Variants in CNIH3 observed in about 807,000 individuals in gnomAD.
CNIH3 encodes protein cornichon homolog 3.
In CNIH3, 14 loss-of-function variants were observed where a neutral mutation model predicts 24.1. The ratio of observed to expected loss-of-function variants is 0.58; its 90% CI spans 0.38 to 0.91. CNIH3 has a LOEUF of 0.91. CNIH3 is among the 40% of genes least tolerant of loss of function. The pLI is 0.00. For synonymous variants in CNIH3, 68 were observed against 73.8 expected (o/e 0.92, Z 0.40); for missense variants, 178 against 196.8 (o/e 0.90, Z 0.57).
chr1:224,717,989 C>T (rs1229082600), intron 3 of CNIH3, among the ~76,000 whole-genome samples: 1 of 152,116 alleles, frequency 6.6e-6, no homozygotes, highest in Non-Finnish European at 1.5e-5. Flanking sequence ...GACCAAAGGA[C>T]CAATTTGTTT....
chr1:224,736,076 T>C (rs957836229), intron 5 of CNIH3, among the ~76,000 whole-genome samples: 1 of 152,202 alleles, frequency 6.6e-6, no homozygotes, highest in African/African-American at 2.4e-5. Context: ...CAGCTATTAG[T>C]GTCACAGCTG....
chr1:224,481,878 C>T (rs1049829283), intron 1 of CNIH3, among the ~76,000 whole-genome samples: 5 of 152,338 alleles, frequency 3.3e-5, no homozygotes, highest in African/African-American at 1.2e-4. Context: ...TCCAAAGATG[C>T]TGTCCAGGGT....
At chr1:224,601,704 A>C (rs1279720632) in intron 3 of CNIH3, among the ~76,000 whole-genome samples, 1 of 152,204 alleles carries the variant, frequency 6.6e-6, no homozygotes, top group Non-Finnish European at 1.5e-5. Flanking sequence ...AGCCTCTAGA[A>C]CCATGAGAAA....
In CNIH3 at chr1:224,650,874, A is replaced by G. The variant is rs548962504; in HGVS notation, c.82-30084A>G. On this transcript the variant is annotated intron_variant, in intron 1 of 5. Coordinates refer to ENST00000272133, the MANE Select transcript of CNIH3 (RefSeq NM_152495.2). Reference sequence around the variant, plus strand: ...ATTCAGGCAAAGCTCCTCACAAGGTAAAGATCTGGATTCCTTGGGCAAGGG... The same window carrying G: ...ATTCAGGCAAAGCTCCTCACAAGGTGAAGATCTGGATTCCTTGGGCAAGGG... Among the ~76,000 whole-genome samples, 21 of 152,226 alleles carry G rather than the reference A, an allele frequency of 1.4e-4. 1 individual carries two copies. Among genetic ancestry groups the G allele is most frequent in the African/African-American group, 2.6e-4 (11 of 41,548 alleles).
chr1:224,719,378 A>G lies in CNIH3; in HGVS notation c.199-11084A>G, dbSNP rs530855258. On this transcript the variant is annotated intron_variant, in intron 3 of 5. Coordinates refer to ENST00000272133, the MANE Select transcript of CNIH3 (RefSeq NM_152495.2). ...CATGGTGTTTCTGGGGATAAAAATT[A>G]TTGGAGGAAGAGGATTTTTAAAATT... is the stretch of plus-strand genomic sequence containing the variant. Among the ~76,000 whole-genome samples the G allele has an allele frequency of 2.3e-4, 35 of 152,278 alleles. 1 individual carries two copies. Among genetic ancestry groups the G allele is most frequent in the Non-Finnish European group, 5.0e-4 (34 of 68,016 alleles).
At chr1:224,734,765 G>C in intron 5 of CNIH3, 59 bp downstream of exon 5, 1 of 1,596,704 alleles carries the variant, frequency 6.3e-7, no homozygotes, top group Non-Finnish European at 8.6e-7. Context: ...GAGAATTTCA[G>C]GCTGGCCTCT....
chr1:224,735,332 A>G (rs2018908), intron 5 of CNIH3, among the ~76,000 whole-genome samples: 5,253 of 152,248 alleles, frequency 0.035, 113 homozygotes, highest in South Asian at 0.054. Context: ...CATCCTAACT[A>G]AGCAGATAGC....
chr1:224,735,875 A>G (rs1386341272), intron 5 of CNIH3, among the ~76,000 whole-genome samples: 1 of 151,774 alleles, frequency 6.6e-6, no homozygotes, highest in Non-Finnish European at 1.5e-5. Context: ...TGTGTTGCCC[A>G]GGCAGGTCTT....
intron 3 of CNIH3, among the ~76,000 whole-genome samples, chr1:224,722,666 G>T (rs1034270601): frequency 6.6e-6 from 1 of 152,148 alleles, no homozygotes; most frequent in Non-Finnish European, 1.5e-5. Context: ...CTGAAACTTG[G>T]GGGGAGTGCA....
At chr1:224,435,369 C>G (rs184206276) in intron 1 of CNIH3, among the ~76,000 whole-genome samples, 2 of 152,304 alleles carry the variant, frequency 1.3e-5, no homozygotes, top group Admixed American at 1.3e-4. Context: ...CCGGGGCCAT[C>G]CCGGGAGCTG....
chr1:224,554,907 T>C (rs1272035742), intron 3 of CNIH3, among the ~76,000 whole-genome samples: 1 of 152,206 alleles, frequency 6.6e-6, no homozygotes, highest in Admixed American at 6.5e-5. Flanking sequence ...ACTACTTACA[T>C]AGCATTGCAT....
chr1:224,463,770 CTCATTTTTTTT>C (rs1433301450), intron 1 of CNIH3, among the ~76,000 whole-genome samples: 10 of 87,096 alleles, frequency 1.1e-4, no homozygotes, highest in South Asian at 3.6e-4. Flanking sequence ...ATGAATTGTC[CTCATTTTTTTT>C]TTTTTTTTTT....
Position 224,734,541 on chromosome 1 carries a change from A to C in CNIH3, c.312-22A>C, listed in dbSNP as rs767682629. The C allele has an allele frequency of 1.7e-5, 27 of 1,612,446 alleles. 2 individuals carry two copies. In the East Asian group the frequency reaches 6.0e-4, roughly 36 times the overall value. On this transcript the variant is annotated intron_variant, in intron 4 of 5. Transcript: ENST00000272133. ...CAGAAGTACCAGGACCTCAGAGACA[A>C]TGATGTCCTCTCTCCCTGCAGGTAT... is the stretch of plus-strand genomic sequence containing the variant.
intron 3 of CNIH3, among the ~76,000 whole-genome samples, chr1:224,714,584 G>A (rs550444021): frequency 6.6e-6 from 1 of 152,196 alleles, no homozygotes; most frequent in African/African-American, 2.4e-5. Context: ...CATTCCCTGT[G>A]CCGTGGTTTG....
chr1:224,580,363 G>C (rs978187139), intron 4 of CNIH3, among the ~76,000 whole-genome samples: 1 of 152,158 alleles, frequency 6.6e-6, no homozygotes, highest in African/African-American at 2.4e-5. Flanking sequence ...CAATGTAGAG[G>C]TTTATTTTGC....
At chr1:224,629,111 A>G (rs1366586480) in intron 1 of CNIH3, among the ~76,000 whole-genome samples, 2 of 151,672 alleles carry the variant, frequency 1.3e-5, no homozygotes, top group Non-Finnish European at 2.9e-5. Flanking sequence ...GGTTCAAGCA[A>G]TTCTCCTGCC....
rs1680970873 is a variant in CNIH3, at chr1:224,574,890, G to T, written n.517-8274G>T. 13 of 1,014,042 alleles carry T rather than the reference G, an allele frequency of 1.3e-5. No homozygotes were observed. The South Asian group carries it at 1.6e-4, about 13-fold the overall frequency. The allele number at this position is 1,014,042 out of a possible 1,614,324, so 62.8% of individuals were successfully genotyped here. A position where few individuals can be genotyped will look rare whatever the true frequency, so the allele number is the denominator to read the frequency against. ...GGCGGGCATGGAAGAGCTGGTGGAT[G>T]AAGGGCTGGTGAAAGCTATTGGCAT... On this transcript the variant is annotated intron_variant and non_coding_transcript_variant, in intron 4 of 5. Transcript: ENST00000471578.
At chr1:224,479,144 CTTTTTTTTTTTTT>C (rs35188696) in intron 1 of CNIH3, among the ~76,000 whole-genome samples, 10 of 53,692 alleles carry the variant, frequency 1.9e-4, no homozygotes, top group Admixed American at 6.2e-4. Flanking sequence ...CCCCCAAAGT[CTTTTTTTTTTTTT>C]TTTTTTTTTT....
At chr1:224,532,630 G>A (rs1279360625) in intron 2 of CNIH3, among the ~76,000 whole-genome samples, 1 of 152,176 alleles carries the variant, frequency 6.6e-6, no homozygotes, top group Non-Finnish European at 1.5e-5. Flanking sequence ...GCTAAATTAA[G>A]TGGAATAGAA....
Sources: allele counts gnomAD v4.1 joint callset (sites outside exome capture counted in the v4.1 genomes callset), GRCh38; gene constraint gnomAD v4.1.1; transcripts MANE v1.5; gene names NCBI Gene and HGNC (gene_info 2026-07-23, HGNC 2026-07-21).